SEMA5B: variants seen among roughly 807,000 people sequenced by gnomAD.
SEMA5B encodes the protein semaphorin 5B.
A neutral mutation model predicts 135.0 loss-of-function variants in SEMA5B; 66 were observed. The observed-to-expected ratio is 0.49, with a 90% CI of 0.40 to 0.60. The LOEUF is 0.60. Ranked by LOEUF, SEMA5B falls within the 20% of genes least tolerant of loss-of-function variation. The pLI is 0.00. For missense variants in SEMA5B, 1,501 were observed against 1,566.3 expected (o/e 0.96, Z 0.70); for synonymous variants, 690 against 639.5 (o/e 1.08, Z -1.19).
chr3:123,020,713 C>T (rs369227036), intron 1 of SEMA5B, among the ~76,000 whole-genome samples: 25 of 152,314 alleles, frequency 1.6e-4, no homozygotes, highest in Admixed American at 9.8e-4. Flanking sequence ...AGGCTCCCCC[C>T]GCAGAAATCC....
At chr3:122,952,364 A>G (rs1940095482) in intron 2 of SEMA5B, among the ~76,000 whole-genome samples, 1 of 152,278 alleles carries the variant, frequency 6.6e-6, no homozygotes, top group Admixed American at 6.5e-5. Flanking sequence ...GCTGGGGAAG[A>G]GGGATTCAAA....
intron 2 of SEMA5B, among the ~76,000 whole-genome samples, chr3:122,954,010 G>A (rs1247730645): frequency 6.6e-6 from 1 of 152,228 alleles, no homozygotes; most frequent in Non-Finnish European, 1.5e-5. Flanking sequence ...CTTTATAGAG[G>A]AAACTGGAAT....
intron 1 of SEMA5B, among the ~76,000 whole-genome samples, chr3:122,964,308 G>C (rs1032505508): frequency 6.6e-6 from 1 of 152,166 alleles, no homozygotes; most frequent in Non-Finnish European, 1.5e-5. Context: ...GGTGACATGT[G>C]ACATATGAGC....
At chr3:122,988,982 G>A (rs1277411476) in intron 1 of SEMA5B, among the ~76,000 whole-genome samples, 2 of 152,242 alleles carry the variant, frequency 1.3e-5, no homozygotes, top group Admixed American at 6.5e-5. Context: ...ATCCCATCGC[G>A]TAATCCCACC....
chr3:123,009,780 T>C (rs937411764), intron 1 of SEMA5B, among the ~76,000 whole-genome samples: 3 of 152,068 alleles, frequency 2.0e-5, no homozygotes, highest in Non-Finnish European at 2.9e-5. Context: ...AAGAAAGATA[T>C]AGGAGGGGAA....
At chr3:123,027,965 C>G (rs552246076), upstream of SEMA5B, among the ~76,000 whole-genome samples, 1 of 152,164 alleles carries the variant, frequency 6.6e-6, no homozygotes, top group Non-Finnish European at 1.5e-5. Context: ...GGCCGACTCC[C>G]GCCCCGGGCC....
chr3:122,923,658 C>T lies in SEMA5B; in HGVS notation c.1231G>A (p.Ala411Thr), dbSNP rs938745828. The part of the protein sequence containing the change: ...GPFRYQENPR[A>T]AWLPIANPIP... ...GGGTTGGCTATGGGGAGCCAGGCAGCCCTGGGGTTCTCCTGGTAGCGAAAT... is the reference window on the plus strand; with the variant it reads ...GGGTTGGCTATGGGGAGCCAGGCAGTCCTGGGGTTCTCCTGGTAGCGAAAT... Residue 411 changes from alanine (A) to threonine (T), a missense_variant, in exon 10 of 23, where the codon GCT becomes ACT. Coordinates refer to ENST00000357599, the MANE Select transcript of SEMA5B (RefSeq NM_001031702.4). The T allele has an allele frequency of 2.5e-6, 4 of 1,613,932 alleles. No homozygotes were observed. Among genetic ancestry groups the T allele is most frequent in the Non-Finnish European group, 3.4e-6 (4 of 1,179,944 alleles).
chr3:122,914,104 G>T, intron 14 of SEMA5B, 103 bp from the exon 15 acceptor site: 2 of 1,281,938 alleles, frequency 1.6e-6, no homozygotes, highest in Non-Finnish European at 1.0e-6. Flanking sequence ...TGTCAGAAAG[G>T]GCTGGACAGT....
chr3:122,980,192 G>A (rs1017967169), intron 1 of SEMA5B, among the ~76,000 whole-genome samples: 1 of 152,206 alleles, frequency 6.6e-6, no homozygotes, highest in Non-Finnish European at 1.5e-5. Context: ...CGGGCATGGT[G>A]GCTCACGCCT....
rs376248027 is a variant in SEMA5B at position 122,928,983 on chromosome 3, C to T, written c.537+13G>A. ...GCTCCAGGTGGGGCCCCTGGACCGC[C>T]GAGACCACGTACCTCAGTCTTCCCT... On this transcript the variant is annotated intron_variant, in intron 6 of 22. Coordinates refer to ENST00000357599, the MANE Select transcript of SEMA5B (RefSeq NM_001031702.4). The T allele has an allele frequency of 2.1e-5, 34 of 1,611,430 alleles. No homozygotes were observed. Among genetic ancestry groups the T allele is most frequent in the Admixed American group, 2.0e-4 (12 of 60,000 alleles).
chr3:123,012,127 T>C (rs1373724466), intron 1 of SEMA5B, among the ~76,000 whole-genome samples: 1 of 152,216 alleles, frequency 6.6e-6, no homozygotes, highest in Non-Finnish European at 1.5e-5. Flanking sequence ...GGCAAGTTTC[T>C]TAACCTCTCT....
chr3:123,000,787 C>A (rs970752857), intron 1 of SEMA5B, among the ~76,000 whole-genome samples: 1 of 152,140 alleles, frequency 6.6e-6, no homozygotes, highest in African/African-American at 2.4e-5. Flanking sequence ...TGGTGAGCTG[C>A]AAGGATTTAG....
At chr3:123,026,989 G>A (rs914009244) in intron 1 of SEMA5B, 4 of 153,472 alleles carry the variant, frequency 2.6e-5, no homozygotes, top group Admixed American at 2.0e-4. Context: ...GTCCCTGAGC[G>A]GGAGATTTCA....
chr3:122,964,253 C>T (rs1319685416), intron 1 of SEMA5B, among the ~76,000 whole-genome samples: 1 of 152,164 alleles, frequency 6.6e-6, no homozygotes, highest in African/African-American at 2.4e-5. Flanking sequence ...TTGTCGAGTC[C>T]TGGCACCTGT....
At chr3:123,013,209 C>T (rs1311277880) in intron 1 of SEMA5B, among the ~76,000 whole-genome samples, 1 of 152,204 alleles carries the variant, frequency 6.6e-6, no homozygotes, top group African/African-American at 2.4e-5. Flanking sequence ...CTGGCTCAGT[C>T]ATGCCATCTG....
At chr3:122,920,396 T>G (rs918236447) in intron 12 of SEMA5B, among the ~76,000 whole-genome samples, 1 of 152,130 alleles carries the variant, frequency 6.6e-6, no homozygotes, top group Non-Finnish European at 1.5e-5. Context: ...ATTTACAACC[T>G]CTTGGAGAAC....
rs570697826 is a variant in SEMA5B, at chr3:122,915,606, G to C, written c.1822C>G (p.Arg608Gly). The C allele has an allele frequency of 6.2e-7, 1 of 1,612,290 alleles. No individual in the cohort carries two copies. Among genetic ancestry groups the C allele is most frequent in the Non-Finnish European group, 8.5e-7 (1 of 1,178,856 alleles). ...GACCATGGGCCGAAGCCCCCATCCC[G>C]TGTCACATTCCGCACCTGAAGACAC... ...ITACPVRNVTRDGGFGPWSPW... is the reference protein window; with the variant it reads ...ITACPVRNVTGDGGFGPWSPW... Residue 608 changes from arginine (R) to glycine (G), a missense_variant, in exon 14 of 23, where the codon CGG (arginine) becomes GGG (glycine). By Grantham distance (125) the Arg-to-Gly change is moderately radical. Around this residue, in one of 2 missense-constraint regions of SEMA5B, gnomAD observed 927 missense variants for 881.6 expected, o/e 1.05. Coordinates refer to ENST00000357599, the MANE Select transcript of SEMA5B (RefSeq NM_001031702.4).
At chr3:122,951,612 T>A (rs1940049110) in intron 2 of SEMA5B, among the ~76,000 whole-genome samples, 1 of 152,158 alleles carries the variant, frequency 6.6e-6, no homozygotes, top group Admixed American at 6.5e-5. Context: ...TAACCCAGAG[T>A]GACCTCCTTG....
At chr3:122,927,061 G>T (rs549746294) in intron 8 of SEMA5B, among the ~76,000 whole-genome samples, 2 of 152,188 alleles carry the variant, frequency 1.3e-5, no homozygotes, top group Non-Finnish European at 2.9e-5. Context: ...AAAAGTAATC[G>T]CAATTTTCAC....
Sources: allele counts gnomAD v4.1 joint callset (sites outside exome capture counted in the v4.1 genomes callset), GRCh38; gene constraint gnomAD v4.1.1; regional missense constraint gnomAD v4.1.1; transcripts MANE v1.5; gene names NCBI Gene and HGNC (gene_info 2026-07-23, HGNC 2026-07-21).